Variants in PAMR1 observed in about 807,000 individuals in gnomAD.
PAMR1 encodes the protein peptidase domain containing associated with muscle regeneration 1.
Under a neutral mutation model 81.8 loss-of-function variants are expected in PAMR1, and 88 were observed. The observed-to-expected ratio is 1.08, with a 90% CI of 0.91 to 1.28. The LOEUF (loss-of-function observed/expected upper bound fraction) is 1.28. Among genes scored for constraint, PAMR1 ranks in the 50% most tolerant of loss-of-function variants. The pLI is 0.00. For missense variants in PAMR1, 935 were observed against 919.7 expected (o/e 1.02, Z -0.21); for synonymous variants, 336 against 345.3 (o/e 0.97, Z 0.30).
In PAMR1 at chr11:35,432,937, A is replaced by G. The variant is rs1326808675; in HGVS notation, c.1627-45T>C. The G allele has an allele frequency of 4.0e-6, 6 of 1,496,610 alleles. No individual in the cohort carries two copies. In the Admixed American group the frequency reaches 1.2e-4, roughly 30 times the overall value. The allele number at this position is 1,496,610 out of a possible 1,614,324, so 92.7% of individuals were successfully genotyped here. ...GCAGCAATGGTGAGGAGCCAGCTCCACAGTGGATAAGAACAGACAAGGCTT... is the reference window on the plus strand; with the variant it reads ...GCAGCAATGGTGAGGAGCCAGCTCCGCAGTGGATAAGAACAGACAAGGCTT... On this transcript the variant is annotated intron_variant, in intron 10 of 10. Coordinates refer to ENST00000619888, the MANE Select transcript of PAMR1 (RefSeq NM_001001991.3).
chr11:35,450,814 G>C (rs1016165816), intron 6 of PAMR1, among the ~76,000 whole-genome samples: 1 of 152,164 alleles, frequency 6.6e-6, no homozygotes, highest in Non-Finnish European at 1.5e-5. Context: ...TAATCAACTG[G>C]AGTTGAAAAG....
At chr11:35,525,410 C>T (rs1244093179) in intron 1 of PAMR1, 103 bp downstream of exon 1, 3 of 914,712 alleles carry the variant, frequency 3.3e-6, no homozygotes, top group Non-Finnish European at 5.2e-6. Flanking sequence ...CACACACAGC[C>T]CACCTCCTGA....
At chr11:35,495,249 G>A (rs1054449510) in intron 1 of PAMR1, among the ~76,000 whole-genome samples, 1 of 151,822 alleles carries the variant, frequency 6.6e-6, no homozygotes, top group African/African-American at 2.4e-5. Context: ...TAATTAGTAT[G>A]TTTGGGAGAA....
intron 1 of PAMR1, among the ~76,000 whole-genome samples, chr11:35,516,670 C>A (rs1462165953): frequency 1.3e-5 from 2 of 152,152 alleles, no homozygotes; most frequent in East Asian, 1.9e-4. Flanking sequence ...CAGCGCAAAC[C>A]CATGTGCTGT....
rs763793747 is a variant in PAMR1 at position 35,435,924 on chromosome 11, G to A, written c.1312C>T (p.Arg438Trp). The A allele has an allele frequency of 6.3e-5, 101 of 1,613,722 alleles. 1 individual carries two copies. Among genetic ancestry groups the A allele is most frequent in the East Asian group, 3.1e-4 (14 of 44,872 alleles). The change falls in exon 9 of 11, where the codon CGG becomes TGG. Residue 438 changes from arginine (R) to tryptophan (W), a missense_variant. Transcript: ENST00000619888. Reference sequence around the variant, plus strand: ...TCACTAGGGATGCAGGATGGTGCCCGCCCACTCCACTTCCCAGTCCTCAGA... The same window carrying A: ...TCACTAGGGATGCAGGATGGTGCCCACCCACTCCACTTCCCAGTCCTCAGA... ...TCLRTGKWSG[R>W]APSCIPICGK...
chr11:35,521,972 G>T (rs58100922), intron 1 of PAMR1, among the ~76,000 whole-genome samples: 1 of 151,884 alleles, frequency 6.6e-6, no homozygotes, highest in Admixed American at 6.6e-5. Context: ...GCCCAAGCTG[G>T]AGTGCAGTGG....
At chr11:35,436,594 T>C (rs1656988529) in intron 8 of PAMR1, among the ~76,000 whole-genome samples, 1 of 152,062 alleles carries the variant, frequency 6.6e-6, no homozygotes, top group South Asian at 2.1e-4. Context: ...CAAAAATGGC[T>C]ATCTCATTCT....
chr11:35,501,392 C>T (rs1850838432), intron 1 of PAMR1, among the ~76,000 whole-genome samples: 1 of 151,964 alleles, frequency 6.6e-6, no homozygotes, highest in East Asian at 1.9e-4. Context: ...TTTGGCCTCC[C>T]AAAGTGTTGA....
chr11:35,504,364 G>A (rs1346680766), intron 1 of PAMR1, among the ~76,000 whole-genome samples: 1 of 152,066 alleles, frequency 6.6e-6, no homozygotes, highest in African/African-American at 2.4e-5. Context: ...TCCTCGTCTG[G>A]TTTTGATAAT....
At chr11:35,447,065 G>A (rs903270591) in intron 6 of PAMR1, among the ~76,000 whole-genome samples, 1 of 152,116 alleles carries the variant, frequency 6.6e-6, no homozygotes, top group Non-Finnish European at 1.5e-5. Flanking sequence ...TTGCTTAATT[G>A]AACCCTTTAT....
intron 6 of PAMR1, among the ~76,000 whole-genome samples, chr11:35,442,900 A>C (rs1856206025): frequency 6.6e-6 from 1 of 151,798 alleles, no homozygotes; most frequent in African/African-American, 2.4e-5. Flanking sequence ...ACCATAACTG[A>C]CCTTAGTTTC....
In PAMR1 at chr11:35,492,140, C is replaced by T. The variant is rs377041707; in HGVS notation, c.284G>A (p.Arg95Gln). Reference protein sequence around the residue: ...CTIFENCKSCRNGSWGGTLDD... With the variant: ...CTIFENCKSCQNGSWGGTLDD... ...CAAGGTACCCCCCCATGAGCCATTTCGGCAGCTCTTGCAGTTTTCAAAGAT... is the reference window on the plus strand; with the variant it reads ...CAAGGTACCCCCCCATGAGCCATTTTGGCAGCTCTTGCAGTTTTCAAAGAT... The change falls in exon 3 of 11, where the codon CGA becomes CAA. Residue 95 changes from arginine to glutamine, a missense_variant. By Grantham distance (43) the Arg-to-Gln change is conservative (BLOSUM62 1). Coordinates refer to ENST00000619888, the MANE Select transcript of PAMR1 (RefSeq NM_001001991.3). 3.0e-5 allele frequency: 48 copies of T among 1,613,998 alleles called. No individual in the cohort carries two copies. The highest frequency in any genetic ancestry group is 3.7e-5 in the Non-Finnish European group (44 of 1,179,996).
intron 1 of PAMR1, among the ~76,000 whole-genome samples, chr11:35,521,799 C>T (rs1365649734): frequency 6.6e-6 from 1 of 152,190 alleles, no homozygotes; most frequent in African/African-American, 2.4e-5. Context: ...GGTTCAGAAA[C>T]TAGACAGCCT....
rs114849353 is a variant in PAMR1, at chr11:35,453,694, A to G, written c.821-12001T>C. ...TTTTTAGAAACCTTTGTGTCTCGCCATTGAACTGATTCATGATTCTTTCCT... is the reference window on the plus strand; with the variant it reads ...TTTTTAGAAACCTTTGTGTCTCGCCGTTGAACTGATTCATGATTCTTTCCT... On this transcript the variant is annotated intron_variant, in intron 6 of 10. Transcript: ENST00000619888. 7.5e-3 allele frequency among the ~76,000 whole-genome samples: 1,142 copies of G among 152,268 alleles called. 17 individuals carry two copies. Among genetic ancestry groups the G allele is most frequent in the African/African-American group, 0.026 (1,095 of 41,564 alleles).
At chr11:35,510,763 C>T (rs12420856) in intron 1 of PAMR1, among the ~76,000 whole-genome samples, 5,610 of 152,258 alleles carry the variant, frequency 0.037, 150 homozygotes, top group Non-Finnish European at 0.055. Context: ...ATTGAATAGT[C>T]TTTATACGAA....
intron 3 of PAMR1, among the ~76,000 whole-genome samples, chr11:35,484,697 T>G (rs1850465953): frequency 6.6e-6 from 1 of 152,144 alleles, no homozygotes; most frequent in Non-Finnish European, 1.5e-5. Context: ...ACCTATAATC[T>G]CTCCCCATAA....
chr11:35,501,555 TTTAA>T (rs1017945227), intron 1 of PAMR1, among the ~76,000 whole-genome samples: 4 of 149,208 alleles, frequency 2.7e-5, no homozygotes, highest in Non-Finnish European at 5.9e-5. Flanking sequence ...CTGTTTTTAA[TTTAA>T]TTATTATTAT....
intron 3 of PAMR1, among the ~76,000 whole-genome samples, chr11:35,477,451 C>A (rs905506003): frequency 6.6e-6 from 1 of 152,156 alleles, no homozygotes; most frequent in Non-Finnish European, 1.5e-5. Context: ...GACTGTAAAT[C>A]GTTATCCTAA....
chr11:35,498,705 G>A (rs1850773551), intron 1 of PAMR1, among the ~76,000 whole-genome samples: 2 of 152,006 alleles, frequency 1.3e-5, no homozygotes, highest in African/African-American at 4.8e-5. Context: ...CCTTTTCCTG[G>A]CCACTGTTTC....
Sources: gnomAD v4.1 joint callset for allele counts (sites outside exome capture counted in the v4.1 genomes callset) on GRCh38, gnomAD v4.1.1 for gene constraint, MANE v1.5 for transcripts, NCBI Gene and HGNC (gene_info 2026-07-23, HGNC 2026-07-21) for gene names.